The following UTRN variants were observed in gnomAD, a reference collection of about 807,000 sequenced individuals.
UTRN encodes the protein dystrophin-related protein 1.
In UTRN, 283 loss-of-function variants were observed where a neutral mutation model predicts 463.9. The observed-to-expected ratio is 0.61, with a 90% CI of 0.55 to 0.67. UTRN has a LOEUF of 0.67. Ranked by LOEUF, UTRN falls within the 30% of genes least tolerant of loss-of-function variation. The probability of loss-of-function intolerance (pLI) is 0.00; values close to 1 mark genes in which losing one functional copy is unlikely to be tolerated. For synonymous variants in UTRN, 1,442 were observed against 1,431.5 expected, an observed-to-expected ratio of 1.01 and a Z score of -0.17; for missense variants, 3,922 against 4,084.3, an observed-to-expected ratio of 0.96 and a Z score of 1.08.
At chr6:144,540,268 T>C (rs1277959068) in intron 45 of UTRN, among the ~76,000 whole-genome samples, 3 of 152,120 alleles carry the variant, frequency 2.0e-5, no homozygotes, top group Non-Finnish European at 4.4e-5. Flanking sequence ...GTCATAGATA[T>C]CTTTTTTGTT....
Position 144,379,468 on chromosome 6 carries a change from G to A in UTRN, c.80-23655G>A, listed in dbSNP as rs988720846. On this transcript the variant is annotated intron_variant, in intron 2 of 74. Transcript: ENST00000367545. ...CTCAGTTCCCTGCTGGTTCTCGGTC[G>A]AAGGCCACAGTTTCTCGCCACGTGG... Among the ~76,000 whole-genome samples the A allele has an allele frequency of 7.9e-5, 12 of 152,288 alleles. 1 individual carries two copies. In the East Asian group the frequency reaches 1.5e-3, roughly 20 times the overall value.
At chr6:144,316,416 T>A (rs946575407) in intron 2 of UTRN, among the ~76,000 whole-genome samples, 2 of 152,240 alleles carry the variant, frequency 1.3e-5, no homozygotes, top group African/African-American at 2.4e-5. Flanking sequence ...AGTATAGCTG[T>A]TGCTTTGTTT....
At chr6:144,832,625 A>G (rs976584197) in intron 69 of UTRN, among the ~76,000 whole-genome samples, 1 of 152,190 alleles carries the variant, frequency 6.6e-6, no homozygotes, top group Non-Finnish European at 1.5e-5. Context: ...GAGGAACTCT[A>G]CGCCAGGATC....
intron 50 of UTRN, among the ~76,000 whole-genome samples, chr6:144,562,900 C>G (rs1800063935): frequency 6.6e-6 from 1 of 152,190 alleles, no homozygotes; most frequent in Admixed American, 6.5e-5. Context: ...GCCATTCTGA[C>G]TAGCATGAGA....
At chr6:144,404,699 G>C (rs1405981318) in intron 3 of UTRN, among the ~76,000 whole-genome samples, 2 of 152,130 alleles carry the variant, frequency 1.3e-5, no homozygotes, top group Non-Finnish European at 2.9e-5. Context: ...ATTTGAAACT[G>C]GGTAAATTAC....
chr6:144,727,561 A>C (rs193030726), intron 53 of UTRN, among the ~76,000 whole-genome samples: 1 of 152,032 alleles, frequency 6.6e-6, no homozygotes, highest in East Asian at 1.9e-4. Context: ...GATCGAGACC[A>C]TCCTGGCTAA....
intron 53 of UTRN, among the ~76,000 whole-genome samples, chr6:144,728,634 G>T (rs1788178698): frequency 7.1e-6 from 1 of 141,688 alleles, no homozygotes; most frequent in Non-Finnish European, 1.5e-5. Context: ...GAATTTAGTT[G>T]ATTTGTGCTT....
At chr6:144,647,605 A>G (rs1375764529) in intron 51 of UTRN, among the ~76,000 whole-genome samples, 3 of 152,258 alleles carry the variant, frequency 2.0e-5, no homozygotes, top group Non-Finnish European at 2.9e-5. Flanking sequence ...CAAGCTGCTT[A>G]TCTGGAGCTT....
At chr6:144,398,460 G>T in intron 2 of UTRN, 1 of 370,268 alleles carries the variant, frequency 2.7e-6, no homozygotes, top group East Asian at 8.3e-5. Flanking sequence ...GCATGTGCTG[G>T]CATTTTTTTC....
intron 13 of UTRN, 92 bp downstream of exon 13, chr6:144,440,563 C>T: frequency 6.4e-7 from 1 of 1,554,162 alleles, no homozygotes; most frequent in Non-Finnish European, 8.8e-7. Context: ...CTTTCTCATT[C>T]TTTATCCAGA....
chr6:144,849,027 T>A (rs1457477865), intron 74 of UTRN, among the ~76,000 whole-genome samples: 2 of 151,868 alleles, frequency 1.3e-5, no homozygotes, highest in African/African-American at 4.8e-5. Context: ...GGAAGTGCTG[T>A]GTGAGAGGGT....
intron 50 of UTRN, among the ~76,000 whole-genome samples, chr6:144,568,760 A>G (rs1800662660): frequency 6.6e-6 from 1 of 152,194 alleles, no homozygotes; most frequent in African/African-American, 2.4e-5. Context: ...TGGATTATGT[A>G]GTTTTAAAAG....
chr6:144,451,389 G>C lies in UTRN; in HGVS notation c.2092G>C (p.Glu698Gln). ...AKKKFDAISA[E>Q]LLNWILKWKT... ...AAACAGGTTTGATGCTATAAGTGCA[G>C]AGCTGTTGAACTGGATTTTGAAATG... The change falls in exon 18 of 75, where the codon GAG becomes CAG. Residue 698 changes from glutamate (E) to glutamine (Q), a missense_variant. Around this residue, in one of 3 missense-constraint regions of UTRN, gnomAD observed 2,349 missense variants for 2,303.8 expected, o/e 1.02. Coordinates refer to ENST00000367545, the MANE Select transcript of UTRN (RefSeq NM_007124.3). 6.2e-7 allele frequency: 1 copy of C among 1,613,436 alleles called. No homozygotes were observed. The highest frequency in any genetic ancestry group is 1.7e-4 in the Middle Eastern group (1 of 6,052).
At chr6:144,344,379 C>A in intron 2 of UTRN, 1 of 1,296,068 alleles carries the variant, frequency 7.7e-7, no homozygotes. Context: ...AGGGTTCTTT[C>A]ATTCAGTTTT....
chr6:144,427,111 C>T (rs1424057002), intron 7 of UTRN, among the ~76,000 whole-genome samples: 1 of 152,098 alleles, frequency 6.6e-6, no homozygotes, highest in Non-Finnish European at 1.5e-5. Flanking sequence ...AAATTAAGAA[C>T]TCAGAAATTG....
intron 52 of UTRN, among the ~76,000 whole-genome samples, chr6:144,682,784 G>A (rs1198538870): frequency 2.6e-5 from 4 of 152,030 alleles, no homozygotes; most frequent in African/African-American, 4.8e-5. Context: ...GTTATTACTT[G>A]GATATTTATA....
intron 51 of UTRN, among the ~76,000 whole-genome samples, chr6:144,591,671 G>A (rs2128632016): frequency 6.6e-6 from 1 of 152,180 alleles, no homozygotes; most frequent in South Asian, 2.1e-4. Context: ...AATTTTAAAT[G>A]TACTTCTGGA....
At chr6:144,425,407 A>T (rs1037994933) in intron 6 of UTRN, among the ~76,000 whole-genome samples, 19 of 152,168 alleles carry the variant, frequency 1.2e-4, no homozygotes, top group African/African-American at 3.4e-4. Context: ...CTTTGTTATT[A>T]AAAGTATCGG....
rs568369920 is a variant in UTRN, at chr6:144,492,272, G to A, written c.4438-1029G>A. 1.2e-4 allele frequency among the ~76,000 whole-genome samples: 19 copies of A among 152,258 alleles called. No individual in the cohort carries two copies. In the East Asian group the frequency reaches 2.3e-3, roughly 19 times the overall value. ...TCCCACTTATAAGTGAGAACATTTA[G>A]TATTTGGTTTTCTGTTCCTGAATTA... is the stretch of plus-strand genomic sequence containing the variant. On this transcript the variant is annotated intron_variant, in intron 32 of 74. Transcript: ENST00000367545.
Sources: gnomAD v4.1 joint callset for allele counts (sites outside exome capture counted in the v4.1 genomes callset) on GRCh38, gnomAD v4.1.1 for gene constraint, gnomAD v4.1.1 regional missense constraint, MANE v1.5 for transcripts, NCBI Gene and HGNC (gene_info 2026-07-23, HGNC 2026-07-21) for gene names.